ST8SIA3: variants seen among roughly 807,000 people sequenced by gnomAD.
ST8SIA3 encodes the protein alpha-N-acetylneuraminate alpha-2,8-sialyltransferase ST8SIA3.
Under a neutral mutation model 34.5 loss-of-function variants are expected in ST8SIA3, and 17 were observed. The observed-to-expected ratio is 0.49, with a 90% CI of 0.34 to 0.74. The LOEUF is 0.74. ST8SIA3 is among the 30% of genes least tolerant of loss of function. The pLI, the probability that ST8SIA3 is intolerant of heterozygous loss-of-function variation, is 0.01. For synonymous variants in ST8SIA3, 172 were observed against 176.1 expected, an observed-to-expected ratio of 0.98 and a Z score of 0.19; for missense variants, 354 against 467.8, an observed-to-expected ratio of 0.76 and a Z score of 2.24.
Position 57,365,525 on chromosome 18 carries a change from C to T in ST8SIA3, c.*5248C>T, listed in dbSNP as rs1381200042. The T allele has an allele frequency of 6.6e-6, 1 of 152,146 alleles. No homozygotes were observed. Among genetic ancestry groups the T allele is most frequent in the Admixed American group, 6.5e-5 (1 of 15,278 alleles). 9.4% of individuals were successfully genotyped at this position (152,146 alleles called of 1,614,324 possible). A position where few individuals can be genotyped will look rare whatever the true frequency, so the allele number is the denominator to read the frequency against. On this transcript the variant is annotated 3_prime_UTR_variant, in exon 4 of 4. Coordinates refer to ENST00000324000, the MANE Select transcript of ST8SIA3 (RefSeq NM_015879.3). Reference sequence around the variant, plus strand: ...ATATTTCAAACTAAGAGGCAGATCTCAGGTCACTCATCTTTAGAATTGGTG... The same window carrying T: ...ATATTTCAAACTAAGAGGCAGATCTTAGGTCACTCATCTTTAGAATTGGTG...
At chr18:57,358,457 G>A (rs1013667421) in intron 3 of ST8SIA3, among the ~76,000 whole-genome samples, 1 of 152,050 alleles carries the variant, frequency 6.6e-6, no homozygotes, top group Non-Finnish European at 1.5e-5. Flanking sequence ...TTCCCATCCC[G>A]TAGCCTCTTA....
At chr18:57,359,568 G>A (rs949018854) in intron 3 of ST8SIA3, among the ~76,000 whole-genome samples, 5 of 143,098 alleles carry the variant, frequency 3.5e-5, no homozygotes, top group African/African-American at 1.4e-4. Context: ...AACACTTTAT[G>A]TAAGAAAAGC....
At position 57,357,234 on chromosome 18, in the gene ST8SIA3, C is replaced by A. The variant is rs769707699; in HGVS notation, c.624C>A (p.Thr208=). ...ATGTTGGAAGAAAAACCAATCTTAC[C>A]ACCTTCAACCCCAGCATCCTGGAAA... The part of the protein sequence containing the change: ...QRDVGRKTNL[T]TFNPSILEKY... Residue 208 remains threonine (T), a synonymous_variant, in exon 3 of 4, where the codon ACC becomes ACA. Transcript: ENST00000324000. 14 of 1,614,164 alleles carry A rather than the reference C, an allele frequency of 8.7e-6. No homozygotes were observed.
At chr18:57,358,610 G>T (rs2049811910) in intron 3 of ST8SIA3, among the ~76,000 whole-genome samples, 1 of 152,110 alleles carries the variant, frequency 6.6e-6, no homozygotes, top group African/African-American at 2.4e-5. Flanking sequence ...GAAAGAGGGT[G>T]CTATTAATAA....
In ST8SIA3 at chr18:57,360,341, T is replaced by G; in HGVS notation, c.*64T>G. ...GTGCCCCAAATCAAATTGAATAGCC[T>G]TCAGAATAGAACCCTAGAGAATGTC... On this transcript the variant is annotated 3_prime_UTR_variant, in exon 4 of 4. Coordinates refer to ENST00000324000, the MANE Select transcript of ST8SIA3 (RefSeq NM_015879.3). 1 of 1,460,998 alleles carries G rather than the reference T, an allele frequency of 6.8e-7. No homozygotes were observed. 90.5% of individuals were successfully genotyped at this position (1,460,998 alleles called of 1,614,324 possible).
In ST8SIA3 at chr18:57,363,503, C is replaced by G. The variant is rs1038977276; in HGVS notation, c.*3226C>G. ...GACTACTGTGCCATCTGTCTGTGAC[C>G]TTGATGTCAGGTACCTGGCCATGGG... On this transcript the variant is annotated 3_prime_UTR_variant, in exon 4 of 4. Transcript: ENST00000324000. 2.7e-4 allele frequency: 41 copies of G among 152,376 alleles called. No homozygotes were observed. Among genetic ancestry groups the G allele is most frequent in the African/African-American group, 9.9e-4 (41 of 41,548 alleles). The allele number at this position is 152,376 out of a possible 1,614,324, so 9.4% of individuals were successfully genotyped here. A position where few individuals can be genotyped will look rare whatever the true frequency, so the allele number is the denominator to read the frequency against.
At position 57,353,349 on chromosome 18, in the gene ST8SIA3, T is replaced by C. The variant is rs537519665; in HGVS notation, c.179+324T>C. 5.9e-5 allele frequency among the ~76,000 whole-genome samples: 9 copies of C among 151,956 alleles called. No homozygotes were observed. The East Asian group carries it at 1.8e-3, about 30-fold the overall frequency. On this transcript the variant is annotated intron_variant, in intron 1 of 3. Coordinates refer to ENST00000324000, the MANE Select transcript of ST8SIA3 (RefSeq NM_015879.3). ...GGTGGAGGGAAAGACGGTGTGTTTG[T>C]TCGGGAGGGGGCGGCGAGCAGAGAT...
chr18:57,367,268 T>A lies in ST8SIA3; in HGVS notation c.*6991T>A, dbSNP rs754936650. The A allele has an allele frequency of 6.6e-6, 1 of 152,242 alleles. No homozygotes were observed. The highest frequency in any genetic ancestry group is 2.4e-5 in the African/African-American group (1 of 41,464). 9.4% of individuals were successfully genotyped at this position (152,242 alleles called of 1,614,324 possible). A position where few individuals can be genotyped will look rare whatever the true frequency, so the allele number is the denominator to read the frequency against. On this transcript the variant is annotated 3_prime_UTR_variant, in exon 4 of 4. Transcript: ENST00000324000. ...CGCAAGTTGGACATTTTCTATACTATGTGTAAAATGCCAGGTTATACCTCT... is the reference window on the plus strand; with the variant it reads ...CGCAAGTTGGACATTTTCTATACTAAGTGTAAAATGCCAGGTTATACCTCT...
rs2049862792 is a variant in ST8SIA3 at position 57,366,711 on chromosome 18, A to G, written c.*6434A>G. The G allele has an allele frequency of 6.6e-6, 1 of 152,248 alleles. No homozygotes were observed. Among genetic ancestry groups the G allele is most frequent in the Non-Finnish European group, 1.5e-5 (1 of 68,052 alleles). 9.4% of individuals were successfully genotyped at this position (152,248 alleles called of 1,614,324 possible). On this transcript the variant is annotated 3_prime_UTR_variant, in exon 4 of 4. Coordinates refer to ENST00000324000, the MANE Select transcript of ST8SIA3 (RefSeq NM_015879.3). ...ACATCACGCTGAGAGTTTAAGTTGCACTCAACTGGAGTTGATTTGCCCTTA... is the reference window on the plus strand; with the variant it reads ...ACATCACGCTGAGAGTTTAAGTTGCGCTCAACTGGAGTTGATTTGCCCTTA...
rs1387182072 is a variant in ST8SIA3 at position 57,365,689 on chromosome 18, T to C, written c.*5412T>C. On this transcript the variant is annotated 3_prime_UTR_variant, in exon 4 of 4. Coordinates refer to ENST00000324000, the MANE Select transcript of ST8SIA3 (RefSeq NM_015879.3). ...AAACACAAAGGTATTCAGGCTAAAA[T>C]AAAACCAATCAAAAAAGGAAATTCA... 6.6e-6 allele frequency: 1 copy of C among 152,156 alleles called. No homozygotes were observed. The highest frequency in any genetic ancestry group is 1.5e-5 in the Non-Finnish European group (1 of 68,040). 9.4% of individuals were successfully genotyped at this position (152,156 alleles called of 1,614,324 possible). A position where few individuals can be genotyped will look rare whatever the true frequency, so the allele number is the denominator to read the frequency against.
In ST8SIA3 at chr18:57,367,338, A is replaced by G. The variant is rs575203917; in HGVS notation, c.*7061A>G. 6.6e-6 allele frequency: 1 copy of G among 152,572 alleles called. No homozygotes were observed. Among genetic ancestry groups the G allele is most frequent in the South Asian group, 2.1e-4 (1 of 4,822 alleles). 9.5% of individuals were successfully genotyped at this position (152,572 alleles called of 1,614,324 possible). A position where few individuals can be genotyped will look rare whatever the true frequency, so the allele number is the denominator to read the frequency against. On this transcript the variant is annotated 3_prime_UTR_variant, in exon 4 of 4. Transcript: ENST00000324000. Reference sequence around the variant, plus strand: ...GTCATTGAAATGAGCTTGTTTCTCTACATTGAGCAAGCTACATTTTATTTT... The same window carrying G: ...GTCATTGAAATGAGCTTGTTTCTCTGCATTGAGCAAGCTACATTTTATTTT...
In ST8SIA3 at chr18:57,367,682, A is replaced by G. The variant is rs2049868331; in HGVS notation, c.*7405A>G. ...GAATAAAGTCATTGAAGTACTTGCA[A>G]AAAGAAGAGGGAGGTTTCCCTCTGA... is the stretch of plus-strand genomic sequence containing the variant. On this transcript the variant is annotated 3_prime_UTR_variant, in exon 4 of 4. Coordinates refer to ENST00000324000, the MANE Select transcript of ST8SIA3 (RefSeq NM_015879.3). 6.6e-6 allele frequency: 1 copy of G among 152,368 alleles called. No individual in the cohort carries two copies. The allele number at this position is 152,368 out of a possible 1,614,324, so 9.4% of individuals were successfully genotyped here.
At position 57,366,518 on chromosome 18, in the gene ST8SIA3, C is replaced by T. The variant is rs1598906028; in HGVS notation, c.*6241C>T. On this transcript the variant is annotated 3_prime_UTR_variant, in exon 4 of 4. Transcript: ENST00000324000. Reference sequence around the variant, plus strand: ...CCAACTTTGTCATTTTCCCTATCCACTTGCCCCTCATCCTTCTGACACAAT... The same window carrying T: ...CCAACTTTGTCATTTTCCCTATCCATTTGCCCCTCATCCTTCTGACACAAT... The T allele has an allele frequency of 6.6e-6, 1 of 152,302 alleles. No individual in the cohort carries two copies. Among genetic ancestry groups the T allele is most frequent in the East Asian group, 1.9e-4 (1 of 5,188 alleles). 9.4% of individuals were successfully genotyped at this position (152,302 alleles called of 1,614,324 possible).
intron 1 of ST8SIA3, among the ~76,000 whole-genome samples, chr18:57,353,997 C>G (rs1380314355): frequency 6.6e-6 from 1 of 152,228 alleles, no homozygotes; most frequent in African/African-American, 2.4e-5. Flanking sequence ...CCTGGGTCTC[C>G]GGTTTCCTCT....
rs2049840414 is a variant in ST8SIA3 at position 57,363,003 on chromosome 18, C to G, written c.*2726C>G. On this transcript the variant is annotated 3_prime_UTR_variant, in exon 4 of 4. Transcript: ENST00000324000. ...GACCATTGGCTCTTTCCTCCTCTTT[C>G]AGCTACAGACACATGCCCTGGCTTT... 1 of 152,272 alleles carries G rather than the reference C, an allele frequency of 6.6e-6. No individual in the cohort carries two copies. The highest frequency in any genetic ancestry group is 1.5e-5 in the Non-Finnish European group (1 of 68,074). The allele number at this position is 152,272 out of a possible 1,614,324, so 9.4% of individuals were successfully genotyped here.
chr18:57,353,027 T>C lies in ST8SIA3; in HGVS notation c.179+2T>C. 1 of 1,605,698 alleles carries C rather than the reference T, an allele frequency of 6.2e-7. No individual in the cohort carries two copies. Among genetic ancestry groups the C allele is most frequent in the Non-Finnish European group, 8.5e-7 (1 of 1,179,788 alleles). Reference sequence around the variant, plus strand: ...GTACATGTTCCACGCGGGATTCCGGTGAGTGCGGGCCTCTGTGTTAGTGCC... The same window carrying C: ...GTACATGTTCCACGCGGGATTCCGGCGAGTGCGGGCCTCTGTGTTAGTGCC... On this transcript the variant is annotated splice_donor_variant, in intron 1 of 3. Coordinates refer to ENST00000324000, the MANE Select transcript of ST8SIA3 (RefSeq NM_015879.3). LOFTEE classifies it high-confidence loss of function.
chr18:57,367,796 C>A lies in ST8SIA3; in HGVS notation c.*7519C>A, dbSNP rs1182679334. 6.6e-6 allele frequency: 1 copy of A among 152,652 alleles called. No homozygotes were observed. Among genetic ancestry groups the A allele is most frequent in the East Asian group, 1.9e-4 (1 of 5,198 alleles). 9.5% of individuals were successfully genotyped at this position (152,652 alleles called of 1,614,324 possible). A position where few individuals can be genotyped will look rare whatever the true frequency, so the allele number is the denominator to read the frequency against. On this transcript the variant is annotated 3_prime_UTR_variant, in exon 4 of 4. Coordinates refer to ENST00000324000, the MANE Select transcript of ST8SIA3 (RefSeq NM_015879.3). ...CCATATTTCAAGATCCAGATCTGAA[C>A]CCATACTGTGCAGAAAAGCACAAGA...
Position 57,356,945 on chromosome 18 carries a change from A to C in ST8SIA3, c.335A>C (p.Lys112Thr), listed in dbSNP as rs1207036557. The change falls in exon 3 of 4, where the codon AAA (lysine) becomes ACA (threonine). Residue 112 changes from lysine (K) to threonine (T), a missense_variant. Coordinates refer to ENST00000324000, the MANE Select transcript of ST8SIA3 (RefSeq NM_015879.3). The stretch of plus-strand genomic sequence containing the variant: ...ATTCTTCAGCATGTCGATGTAATAA[A>C]AAATTTTTCTTTGACCAAGAATAGT... Reference protein sequence around the residue: ...QEILQHVDVIKNFSLTKNSVR... With the variant: ...QEILQHVDVITNFSLTKNSVR... 1 of 1,600,766 alleles carries C rather than the reference A, an allele frequency of 6.2e-7. No homozygotes were observed. Among genetic ancestry groups the C allele is most frequent in the African/African-American group, 1.3e-5 (1 of 74,312 alleles).
chr18:57,352,565 A>ACGC lies in ST8SIA3; in HGVS notation c.-275_-273dup, dbSNP rs1390912641. ...GCACGGCGCTGCGCGCTCCTTCGCC[A>ACGC]CGCCGCCGCGCAGCCCCTCCATCTT... On this transcript the variant is annotated 5_prime_UTR_variant, in exon 1 of 4. Transcript: ENST00000324000. 4.2e-4 allele frequency: 169 copies of ACGC among 400,704 alleles called. No homozygotes were observed. Among genetic ancestry groups the ACGC allele is most frequent in the African/African-American group, 3.3e-3 (150 of 46,108 alleles). 24.8% of individuals were successfully genotyped at this position (400,704 alleles called of 1,614,324 possible). A position where few individuals can be genotyped will look rare whatever the true frequency, so the allele number is the denominator to read the frequency against.
Sources: allele counts gnomAD v4.1 joint callset (sites outside exome capture counted in the v4.1 genomes callset), GRCh38; gene constraint gnomAD v4.1.1; transcripts MANE v1.5; gene names NCBI Gene and HGNC (gene_info 2026-07-23, HGNC 2026-07-21).